Variants in SPIN1 observed in about 807,000 individuals in gnomAD.
The protein encoded by SPIN1 is spindlin-1.
Under a neutral mutation model 26.0 loss-of-function variants are expected in SPIN1, and 3 were observed. The ratio of observed to expected loss-of-function variants is 0.12; its 90% confidence interval spans 0.05 to 0.30. SPIN1 has a LOEUF of 0.30. Among genes scored for constraint, SPIN1 ranks in the 10% least tolerant of loss-of-function variants. The pLI is 1.00. For missense variants in SPIN1, 126 were observed against 333.4 expected, an observed-to-expected ratio of 0.38 and a Z score of 4.84; for synonymous variants, 101 against 116.5, an observed-to-expected ratio of 0.87 and a Z score of 0.86.
At position 88,409,312 on chromosome 9, in the gene SPIN1, G is replaced by GT. The variant is rs112433361; in HGVS notation, c.-158-17061dup. Among the ~76,000 whole-genome samples, 1,443 of 150,156 alleles carry GT rather than the reference G, an allele frequency of 9.6e-3. 17 individuals are homozygous for GT. Among genetic ancestry groups the GT allele is most frequent in the African/African-American group, 0.029 (1,193 of 40,886 alleles). The stretch of plus-strand genomic sequence containing the variant: ...GCCCGGCCTGCTTTTCTTTTTTCTT[G>GT]TTTTTTTTTCTGCTGGTTTTTATTC... On this transcript the variant is annotated intron_variant, in intron 1 of 5. Coordinates refer to ENST00000375859, the MANE Select transcript of SPIN1 (RefSeq NM_006717.3).
At chr9:88,415,093 A>G (rs577884786) in intron 1 of SPIN1, among the ~76,000 whole-genome samples, 9 of 151,938 alleles carry the variant, frequency 5.9e-5, no homozygotes, top group Non-Finnish European at 1.2e-4. Flanking sequence ...TTTAGTAGAG[A>G]TGGGGTTTCA....
chr9:88,423,523 C>T (rs2118011697), intron 1 of SPIN1, among the ~76,000 whole-genome samples: 1 of 152,194 alleles, frequency 6.6e-6, no homozygotes, highest in South Asian at 2.1e-4. Context: ...ACTCTAACCT[C>T]TGCCTCCCGA....
rs1243441620 is a variant in SPIN1, at chr9:88,426,466, A to G, written c.-74A>G. 3.2e-6 allele frequency: 4 copies of G among 1,269,802 alleles called. No individual in the cohort carries two copies. In the African/African-American group the frequency reaches 4.5e-5, roughly 14 times the overall value. The allele number at this position is 1,269,802 out of a possible 1,614,324, so 78.7% of individuals were successfully genotyped here. On this transcript the variant is annotated 5_prime_UTR_variant, in exon 2 of 6. Coordinates refer to ENST00000375859, the MANE Select transcript of SPIN1 (RefSeq NM_006717.3). ...TTAACCAGAACACTAACATTCTGTG[A>G]AAAGTTTCAAATTGGAGAATATTGA...
At chr9:88,422,066 G>A (rs1827679075) in intron 1 of SPIN1, among the ~76,000 whole-genome samples, 1 of 152,096 alleles carries the variant, frequency 6.6e-6, no homozygotes, top group Admixed American at 6.6e-5. Context: ...TTGCTCCATT[G>A]TAAAGCAGTA....
intron 1 of SPIN1, chr9:88,389,407 A>G (rs1826869514): frequency 1.3e-5 from 2 of 152,222 alleles, no homozygotes; most frequent in Admixed American, 6.5e-5. Flanking sequence ...TCGATTTTAC[A>G]GAGGTTCGTT....
intron 1 of SPIN1, among the ~76,000 whole-genome samples, chr9:88,392,608 CTTCCTTCCTTCT>C (rs1826951163): frequency 6.6e-6 from 1 of 151,882 alleles, no homozygotes; most frequent in East Asian, 1.9e-4. Context: ...TCCTTCCCTC[CTTCCTTCCTTCT>C]TTCCTTCCTT....
At chr9:88,419,239 C>T (rs923346383) in intron 1 of SPIN1, among the ~76,000 whole-genome samples, 1 of 152,130 alleles carries the variant, frequency 6.6e-6, no homozygotes, top group Non-Finnish European at 1.5e-5. Flanking sequence ...CACCCTGACT[C>T]ATTCTCCACC....
intron 1 of SPIN1, among the ~76,000 whole-genome samples, chr9:88,409,396 A>C (rs570355589): frequency 6.6e-6 from 1 of 152,262 alleles, no homozygotes; most frequent in South Asian, 2.1e-4. Context: ...CTAGTAGATC[A>C]CATTATAAAT....
At chr9:88,457,864 T>G (rs1828501041) in intron 3 of SPIN1, 1 of 984,702 alleles carries the variant, frequency 1.0e-6, no homozygotes, top group African/African-American at 1.7e-5. Context: ...CAAAAAACCT[T>G]TCTTGTTTCT....
At chr9:88,467,332 G>A (rs564212608) in intron 4 of SPIN1, among the ~76,000 whole-genome samples, 1 of 152,120 alleles carries the variant, frequency 6.6e-6, no homozygotes, top group African/African-American at 2.4e-5. Flanking sequence ...GAAAGGGAAG[G>A]TCTCTGCTTT....
rs138206993 is a variant in SPIN1 at position 88,422,813 on chromosome 9, G to A, written c.-158-3569G>A. ...CAACCTCTGCCTCCCGGGTTCAGGC[G>A]ATTCTCCTGCCTCAGCCTCTGGAGT... is the stretch of plus-strand genomic sequence containing the variant. On this transcript the variant is annotated intron_variant, in intron 1 of 5. Transcript: ENST00000375859. Among the ~76,000 whole-genome samples, 554 of 151,796 alleles carry A rather than the reference G, an allele frequency of 3.6e-3. 3 individuals carry two copies. The highest frequency in any genetic ancestry group is 0.013 in the African/African-American group (519 of 41,354).
intron 1 of SPIN1, among the ~76,000 whole-genome samples, chr9:88,393,580 C>T (rs895568525): frequency 4.0e-5 from 6 of 150,540 alleles, no homozygotes; most frequent in Admixed American, 1.3e-4. Context: ...CTCAGCCTCC[C>T]GAATAGCTGG....
chr9:88,462,158 TTTGAG>T (rs1325446016), intron 3 of SPIN1, among the ~76,000 whole-genome samples: 1 of 152,234 alleles, frequency 6.6e-6, no homozygotes, highest in Non-Finnish European at 1.5e-5. Context: ...CTTGGAAAAT[TTTGAG>T]TTGATTGAAT....
intron 3 of SPIN1, among the ~76,000 whole-genome samples, chr9:88,457,437 C>T (rs1464241337): frequency 1.3e-5 from 2 of 151,822 alleles, no homozygotes; most frequent in Admixed American, 6.6e-5. Context: ...GGCTGAGGCA[C>T]GAGAATCACG....
At chr9:88,404,422 C>CA (rs1338773135) in intron 1 of SPIN1, among the ~76,000 whole-genome samples, 1 of 152,126 alleles carries the variant, frequency 6.6e-6, no homozygotes, top group Non-Finnish European at 1.5e-5. Flanking sequence ...TTTTTTCTTG[C>CA]ATCTGTATTA....
intron 5 of SPIN1, among the ~76,000 whole-genome samples, chr9:88,471,203 A>T (rs563513555): frequency 1.5e-4 from 23 of 152,272 alleles, no homozygotes; most frequent in African/African-American, 5.5e-4. Flanking sequence ...TTTTCTTATA[A>T]GAGTTTTATA....
chr9:88,391,127 C>T (rs535847124), intron 1 of SPIN1, among the ~76,000 whole-genome samples: 1 of 152,230 alleles, frequency 6.6e-6, no homozygotes, highest in South Asian at 2.1e-4. Context: ...CCTACTGGCT[C>T]TTTGGGTCAC....
intron 2 of SPIN1, among the ~76,000 whole-genome samples, chr9:88,431,291 T>TC (rs1491507176): frequency 2.2e-5 from 3 of 134,062 alleles, no homozygotes; most frequent in African/African-American, 3.3e-5. Flanking sequence ...TCTCTCTCTC[T>TC]TTTTTTTTTT....
intron 1 of SPIN1, among the ~76,000 whole-genome samples, chr9:88,400,313 A>G (rs1408157697): frequency 6.6e-6 from 1 of 152,052 alleles, no homozygotes; most frequent in Non-Finnish European, 1.5e-5. Flanking sequence ...GATTTGTGGC[A>G]ATGGATCTTA....
Sources: allele counts gnomAD v4.1 joint callset (sites outside exome capture counted in the v4.1 genomes callset), GRCh38; gene constraint gnomAD v4.1.1; transcripts MANE v1.5; gene names NCBI Gene and HGNC (gene_info 2026-07-23, HGNC 2026-07-21).